Variants in MECOM observed in about 807,000 individuals in gnomAD.
The protein encoded by MECOM is histone-lysine N-methyltransferase MECOM.
A neutral mutation model predicts 116.3 loss-of-function variants in MECOM; 13 were observed. The ratio of observed to expected loss-of-function variants is 0.11; its 90% CI spans 0.07 to 0.18. The LOEUF (loss-of-function observed/expected upper bound fraction) is 0.18. Ranked by LOEUF, MECOM falls within the 10% of genes least tolerant of loss-of-function variation. The probability of loss-of-function intolerance (pLI) is 1.00; values close to 1 mark genes in which losing one functional copy is unlikely to be tolerated. For missense variants in MECOM, 1,299 were observed against 1,509.0 expected (o/e 0.86, Z 2.31); for synonymous variants, 528 against 535.2 (o/e 0.99, Z 0.19).
chr3:169,605,535 A>C (rs1768421107), intron 1 of MECOM, among the ~76,000 whole-genome samples: 2 of 152,186 alleles, frequency 1.3e-5, no homozygotes, highest in South Asian at 4.1e-4. Context: ...AAAACTAGAC[A>C]ATGCTGGAGG....
intron 2 of MECOM, among the ~76,000 whole-genome samples, chr3:169,370,022 GCACTTGCTTTCTCATAAATAAA>G (rs1729829740): frequency 1.3e-5 from 2 of 151,800 alleles, no homozygotes; most frequent in Non-Finnish European, 2.9e-5. Flanking sequence ...CACGTCAAGT[GCACTTGCTTTCTCATAAATAAA>G]TTAAACTTTT....
chr3:169,455,781 A>G (rs1338965272), intron 1 of MECOM, among the ~76,000 whole-genome samples: 3 of 152,106 alleles, frequency 2.0e-5, no homozygotes, highest in African/African-American at 7.2e-5. Context: ...TCAGGATCCT[A>G]TGTCCAGAGC....
chr3:169,256,694 A>C (rs1436754182), intron 2 of MECOM, among the ~76,000 whole-genome samples: 1 of 152,248 alleles, frequency 6.6e-6, no homozygotes, highest in East Asian at 1.9e-4. Context: ...AGCTGGATCC[A>C]GTAGATACAC....
chr3:169,148,848 G>T (rs1028519234), intron 2 of MECOM, among the ~76,000 whole-genome samples: 2 of 152,122 alleles, frequency 1.3e-5, no homozygotes, highest in Non-Finnish European at 2.9e-5. Context: ...TGACTAATTT[G>T]TTTCGGTGGC....
chr3:169,516,715 T>C (rs1312719710), intron 1 of MECOM, among the ~76,000 whole-genome samples: 2 of 152,162 alleles, frequency 1.3e-5, no homozygotes, highest in Non-Finnish European at 2.9e-5. Context: ...TTCCATCACA[T>C]GTTTGCAGGA....
intron 2 of MECOM, among the ~76,000 whole-genome samples, chr3:169,366,055 T>C (rs1729108563): frequency 6.6e-6 from 1 of 152,040 alleles, no homozygotes; most frequent in Non-Finnish European, 1.5e-5. Flanking sequence ...GCAATTGCGT[T>C]CCTTCTCTTG....
At chr3:169,194,927 A>T (rs1748217701) in intron 2 of MECOM, among the ~76,000 whole-genome samples, 1 of 152,036 alleles carries the variant, frequency 6.6e-6, no homozygotes, top group Non-Finnish European at 1.5e-5. Flanking sequence ...ACCCAGAAAG[A>T]CAGTAGTCTA....
chr3:169,112,085 G>A (rs1270342512), intron 9 of MECOM, among the ~76,000 whole-genome samples: 4 of 152,052 alleles, frequency 2.6e-5, no homozygotes, highest in Non-Finnish European at 2.9e-5. Flanking sequence ...TTTATATACC[G>A]TATTTGTTCT....
intron 12 of MECOM, among the ~76,000 whole-genome samples, chr3:169,100,449 C>A (rs754482949): frequency 3.3e-5 from 5 of 151,978 alleles, no homozygotes; most frequent in Non-Finnish European, 7.4e-5. Context: ...AATGACTTAG[C>A]TGTGCTGGGG....
chr3:169,274,625 C>G (rs1456776256), intron 2 of MECOM, among the ~76,000 whole-genome samples: 2 of 152,158 alleles, frequency 1.3e-5, no homozygotes, highest in Admixed American at 1.3e-4. Context: ...TGAAGTTTCT[C>G]TAGTCCTATA....
intron 1 of MECOM, among the ~76,000 whole-genome samples, chr3:169,412,216 G>A (rs139947888): frequency 0.013 from 1,958 of 151,396 alleles, 20 homozygotes; most frequent in Middle Eastern, 0.041. Flanking sequence ...AACCCAGGAG[G>A]CGGAGGTTGC....
In MECOM at chr3:169,102,106, G is replaced by A; in HGVS notation, c.2725C>T (p.Leu909=). ...MFNFRAPPNA[L]PENLLRKGKE... ...CCCTTCCGCAGAAGGTTCTCTGGCA[G>A]GGCATTGGGAGGCGCCCTGAAGTTG... The change falls in exon 11 of 17, where the codon CTG becomes TTG. Residue 909 remains leucine, a synonymous_variant. Transcript: ENST00000651503. 1 of 1,613,768 alleles carries A rather than the reference G, an allele frequency of 6.2e-7. No homozygotes were observed. Among genetic ancestry groups the A allele is most frequent in the Non-Finnish European group, 8.5e-7 (1 of 1,179,844 alleles).
At chr3:169,126,035 A>C (rs1315971278) in intron 5 of MECOM, among the ~76,000 whole-genome samples, 1 of 152,168 alleles carries the variant, frequency 6.6e-6, no homozygotes, top group Admixed American at 6.5e-5. Context: ...TTGGAGGATT[A>C]GCATTCAATT....
intron 2 of MECOM, among the ~76,000 whole-genome samples, chr3:169,226,037 T>G (rs1195705753): frequency 3.9e-5 from 6 of 152,234 alleles, no homozygotes; most frequent in Non-Finnish European, 7.3e-5. Flanking sequence ...TTACATAAAC[T>G]TCCATTGTCT....
intron 1 of MECOM, among the ~76,000 whole-genome samples, chr3:169,557,880 A>G (rs1388451889): frequency 6.6e-6 from 1 of 152,246 alleles, no homozygotes; most frequent in Non-Finnish European, 1.5e-5. Context: ...TTACATAAAA[A>G]TATTAACTAG....
chr3:169,468,078 A>G (rs981834982), intron 1 of MECOM, among the ~76,000 whole-genome samples: 4 of 151,856 alleles, frequency 2.6e-5, no homozygotes, highest in Non-Finnish European at 5.9e-5. Flanking sequence ...AGACAAACCT[A>G]ACAGTCTTCG....
intron 3 of MECOM, among the ~76,000 whole-genome samples, chr3:169,143,304 T>C (rs1233693348): frequency 2.6e-5 from 4 of 152,130 alleles, no homozygotes; most frequent in African/African-American, 9.6e-5. Context: ...AAAACCTATA[T>C]AACATTTCAA....
intron 1 of MECOM, among the ~76,000 whole-genome samples, chr3:169,548,971 CTTTTTT>C (rs756925389): frequency 2.5e-5 from 3 of 119,092 alleles, no homozygotes; most frequent in African/African-American, 6.5e-5. Flanking sequence ...ATTTGTCTCT[CTTTTTT>C]TTTTTTTTTT....
At chr3:169,282,710 C>T (rs1712352838) in intron 2 of MECOM, among the ~76,000 whole-genome samples, 1 of 152,096 alleles carries the variant, frequency 6.6e-6, no homozygotes, top group Admixed American at 6.6e-5. Context: ...AGTCCTCAAG[C>T]ATTTATCATC....
Sources: allele counts gnomAD v4.1 joint callset (sites outside exome capture counted in the v4.1 genomes callset), GRCh38; gene constraint gnomAD v4.1.1; transcripts MANE v1.5; gene names NCBI Gene and HGNC (gene_info 2026-07-23, HGNC 2026-07-21).